Variants in SPAM1 observed in about 807,000 individuals in gnomAD.
SPAM1 encodes sperm adhesion molecule 1, also known as hyaluronidase PH-20.
In SPAM1, 22 loss-of-function variants were observed where a neutral mutation model predicts 29.6. The observed-to-expected ratio is 0.74, with a 90% CI of 0.53 to 1.06. The LOEUF is 1.06. Ranked by LOEUF, SPAM1 falls within the 50% of genes least tolerant of loss-of-function variation. SPAM1 has a pLI of 0.00. For missense variants in SPAM1, 534 were observed against 604.0 expected (o/e 0.88, Z 1.21); for synonymous variants, 194 against 204.6 (o/e 0.95, Z 0.44).
At chr7:123,961,831 C>T (rs1419295852), downstream of SPAM1, among the ~76,000 whole-genome samples, 1 of 151,868 alleles carries the variant, frequency 6.6e-6, no homozygotes, top group Non-Finnish European at 1.5e-5. Context: ...TGGTGAAAGG[C>T]GAAAGCCACT....
intron 5 of SPAM1, among the ~76,000 whole-genome samples, chr7:123,966,992 A>G (rs1447785620): frequency 6.6e-6 from 1 of 152,014 alleles, no homozygotes; most frequent in Non-Finnish European, 1.5e-5. Flanking sequence ...TTAATTATTT[A>G]TATACTTTCA....
Position 123,959,596 on chromosome 7 carries a change from T to A in SPAM1, c.1157T>A (p.Val386Glu), listed in dbSNP as rs749111127. ...CSQVLCQEQG[V>E]CIRKNWNSSD... is the part of the protein sequence containing the mutation. ...CAAGTGCTTTGCCAGGAGCAAGGAG[T>A]GTGTATAAGGAAAAACTGGAATTCA... Residue 386 changes from valine (V) to glutamate (E), a missense_variant, in exon 5 of 5, where the codon GTG becomes GAG. Physicochemically the swap from Val to Glu is moderately radical, Grantham distance 121. Transcript: ENST00000682466. 1.9e-6 allele frequency: 3 copies of A among 1,612,886 alleles called. No individual in the cohort carries two copies. The highest frequency in any genetic ancestry group is 1.7e-6 in the Non-Finnish European group (2 of 1,179,482).
intron 4 of SPAM1, among the ~76,000 whole-genome samples, chr7:123,958,976 T>G (rs549687358): frequency 1.3e-5 from 2 of 152,144 alleles, no homozygotes; most frequent in African/African-American, 4.8e-5. Flanking sequence ...TATAACAACT[T>G]TATGAGGTAG....
At chr7:123,926,227 T>C (rs1399575031) in intron 1 of SPAM1, among the ~76,000 whole-genome samples, 1 of 152,154 alleles carries the variant, frequency 6.6e-6, no homozygotes, top group Non-Finnish European at 1.5e-5. Flanking sequence ...CCTACCTACT[T>C]CTTTTCCCTT....
downstream of SPAM1, among the ~76,000 whole-genome samples, chr7:123,962,717 T>C (rs1792374996): frequency 6.6e-6 from 1 of 151,914 alleles, no homozygotes; most frequent in Non-Finnish European, 1.5e-5. Flanking sequence ...TCATTGCTGC[T>C]CATTATGAAA....
chr7:123,959,543 C>T lies in SPAM1; in HGVS notation c.1104C>T (p.Asn368=), dbSNP rs373230630. The T allele has an allele frequency of 1.1e-5, 18 of 1,612,786 alleles. No homozygotes were observed. The highest frequency in any genetic ancestry group is 1.6e-4 in the Middle Eastern group (1 of 6,068). The part of the protein sequence containing the change: ...METILNPYII[N]VTLAAKMCSQ... Reference sequence around the variant, plus strand: ...CTATACTGAATCCTTACATAATCAACGTCACACTAGCAGCCAAAATGTGTA... The same window carrying T: ...CTATACTGAATCCTTACATAATCAATGTCACACTAGCAGCCAAAATGTGTA... The change falls in exon 5 of 5, where the codon AAC becomes AAT. Residue 368 remains asparagine (N), a synonymous_variant. Coordinates refer to ENST00000682466, the MANE Select transcript of SPAM1 (RefSeq NM_153189.3).
intron 1 of SPAM1, among the ~76,000 whole-genome samples, chr7:123,948,489 C>T (rs1219819027): frequency 6.6e-6 from 1 of 152,044 alleles, no homozygotes; most frequent in Non-Finnish European, 1.5e-5. Flanking sequence ...TCTCAGTATC[C>T]TGAGGCTTCC....
chr7:123,954,657 C>A, intron 3 of SPAM1, 133 bp downstream of exon 3: 1 of 632,688 alleles, frequency 1.6e-6, no homozygotes, highest in Non-Finnish European at 2.7e-6. Context: ...AGTAGATCAA[C>A]ATTATTATAT....
intron 1 of SPAM1, among the ~76,000 whole-genome samples, chr7:123,935,880 A>G (rs572592747): frequency 1.3e-5 from 2 of 152,274 alleles, no homozygotes; most frequent in African/African-American, 4.8e-5. Flanking sequence ...AACCTATTTT[A>G]TCCTATCCTA....
intron 1 of SPAM1, among the ~76,000 whole-genome samples, chr7:123,926,292 T>C (rs540643572): frequency 6.6e-6 from 1 of 152,302 alleles, no homozygotes; most frequent in Admixed American, 6.5e-5. Flanking sequence ...GCTTTTCCCC[T>C]TTAAATACCG....
At chr7:123,937,998 C>T (rs902779442) in intron 1 of SPAM1, among the ~76,000 whole-genome samples, 2 of 151,934 alleles carry the variant, frequency 1.3e-5, no homozygotes, top group Admixed American at 6.6e-5. Context: ...TACCATATCA[C>T]ATTAGTTAGA....
At chr7:123,962,108 C>G (rs1272358498), downstream of SPAM1, among the ~76,000 whole-genome samples, 1 of 151,794 alleles carries the variant, frequency 6.6e-6, no homozygotes, top group Admixed American at 6.6e-5. Flanking sequence ...AACCTCCATA[C>G]TGTTTTTCAT....
intron 1 of SPAM1, among the ~76,000 whole-genome samples, chr7:123,943,196 T>C (rs1185445497): frequency 4.6e-5 from 7 of 152,318 alleles, no homozygotes; most frequent in Admixed American, 4.6e-4. Context: ...TAACTCCTGT[T>C]CTGCTTGATA....
chr7:123,970,174 A>G (rs1275611606), intron 5 of SPAM1: 1 of 1,547,178 alleles, frequency 6.5e-7, no homozygotes, highest in Non-Finnish European at 8.7e-7. Context: ...AACAGAAATT[A>G]ATTTTCTTAT....
downstream of SPAM1, chr7:123,960,142 T>TC: frequency 1.2e-6 from 1 of 828,810 alleles, no homozygotes; most frequent in Non-Finnish European, 1.8e-6. Flanking sequence ...CACTGCTATA[T>TC]TGTATGAATT....
At chr7:123,970,308 C>T in intron 6 of SPAM1, 1 of 1,519,898 alleles carries the variant, frequency 6.6e-7, no homozygotes, top group Non-Finnish European at 8.9e-7. Context: ...TGACTATCTT[C>T]TCCTTGTGTC....
chr7:123,944,597 A>G lies in SPAM1; in HGVS notation c.-318-5275A>G, dbSNP rs553477549. Among the ~76,000 whole-genome samples the G allele has an allele frequency of 2.9e-4, 44 of 152,274 alleles. 2 individuals are homozygous for G. Among genetic ancestry groups the G allele is most frequent in the African/African-American group, 1.0e-3 (43 of 41,558 alleles). On this transcript the variant is annotated intron_variant, in intron 1 of 4. Transcript: ENST00000682466. ...AATCCTCACGTCAGACCTAATGAGA[A>G]TGGCACTTGAATTAATTAGCCATAG...
At chr7:123,970,398 G>T in intron 6 of SPAM1, 1 of 765,348 alleles carries the variant, frequency 1.3e-6, no homozygotes, top group Middle Eastern at 2.6e-4. Context: ...ATACTCTAAA[G>T]ACCTCATTTT....
chr7:123,959,645 A>C lies in SPAM1; in HGVS notation c.1206A>C (p.Pro402=). The change falls in exon 5 of 5, where the codon CCA becomes CCC. Residue 402 remains proline (P), a synonymous_variant. Transcript: ENST00000682466. ...CAAGTGACTATCTTCACCTCAACCC[A>C]GATAATTTTGCTATTCAACTTGAGA... ...WNSSDYLHLN[P]DNFAIQLEKG... The C allele has an allele frequency of 6.2e-7, 1 of 1,613,334 alleles. No homozygotes were observed.
Sources: gnomAD v4.1 joint callset for allele counts (sites outside exome capture counted in the v4.1 genomes callset) on GRCh38, gnomAD v4.1.1 for gene constraint, MANE v1.5 for transcripts, NCBI Gene and HGNC (gene_info 2026-07-23, HGNC 2026-07-21) for gene names.